The following ZKSCAN7 variants were observed in gnomAD, a reference collection of about 807,000 sequenced individuals.
The protein encoded by ZKSCAN7 is zinc finger protein with KRAB and SCAN domains 7.
In ZKSCAN7, 38 loss-of-function variants were observed where a neutral mutation model predicts 65.3. The observed-to-expected ratio is 0.58, with a 90% confidence interval of 0.45 to 0.76. ZKSCAN7 has a LOEUF of 0.76. ZKSCAN7 is among the 30% of genes least tolerant of loss of function. ZKSCAN7 has a pLI of 0.00. For missense variants in ZKSCAN7, 815 were observed against 913.3 expected (o/e 0.89, Z 1.39); for synonymous variants, 321 against 321.0 (o/e 1.00, Z 0.00).
At chr3:44,579,571 C>G (rs569802729) in intron 5 of ZKSCAN7, among the ~76,000 whole-genome samples, 1 of 152,200 alleles carries the variant, frequency 6.6e-6, no homozygotes, top group Admixed American at 6.5e-5. Flanking sequence ...TGGTCACATC[C>G]GGGGCGGTGG....
intron 4 of ZKSCAN7, 31 bp from the exon 5 acceptor site, chr3:44,568,276 G>T (rs758916725): frequency 6.2e-7 from 1 of 1,605,464 alleles, no homozygotes; most frequent in South Asian, 1.1e-5. Flanking sequence ...GGCTGTGAAT[G>T]TTCCTGAGCG....
chr3:44,570,588 A>G lies in ZKSCAN7; in HGVS notation c.1478A>G (p.Lys493Arg). ...CACCAGAGAACCCATACTGGGGAGA[A>G]ACCTTATGAATGCAATGAGTGTGGA... ...TDHQRTHTGE[K>R]PYECNECGEA... Residue 493 changes from lysine to arginine, a missense_variant, in exon 6 of 6, where the codon AAA becomes AGA. By Grantham distance (26) the Lys-to-Arg change is conservative. Transcript: ENST00000426540. 1 of 1,614,196 alleles carries G rather than the reference A, an allele frequency of 6.2e-7. No homozygotes were observed. Among genetic ancestry groups the G allele is most frequent in the Admixed American group, 1.7e-5 (1 of 60,032 alleles).
chr3:44,578,200 T>C (rs1699965468), intron 5 of ZKSCAN7: 27 of 1,522,106 alleles, frequency 1.8e-5, no homozygotes, highest in Non-Finnish European at 2.5e-5. Context: ...CTGAGCTCTG[T>C]GTAGATGTCT....
At chr3:44,574,936 A>AAAAAC (rs1011464545), downstream of ZKSCAN7, among the ~76,000 whole-genome samples, 1 of 152,126 alleles carries the variant, frequency 6.6e-6, no homozygotes. Flanking sequence ...ATCTCAAAAG[A>AAAAAC]AAAACAAAAC....
intron 2 of ZKSCAN7, among the ~76,000 whole-genome samples, chr3:44,560,773 G>T (rs1699454193): frequency 1.3e-5 from 2 of 152,162 alleles, no homozygotes; most frequent in Admixed American, 1.3e-4. Flanking sequence ...CTCCCAAAGT[G>T]CTGGGATTAC....
downstream of ZKSCAN7, among the ~76,000 whole-genome samples, chr3:44,575,183 G>T (rs1193094884): frequency 6.6e-6 from 1 of 152,072 alleles, no homozygotes; most frequent in East Asian, 1.9e-4. Flanking sequence ...TTAGTCCTAG[G>T]TATTCAGGAG....
intron 5 of ZKSCAN7, among the ~76,000 whole-genome samples, chr3:44,577,281 C>CT (rs35642284): frequency 0.27 from 40,282 of 146,766 alleles, 5,745 homozygotes; most frequent in Non-Finnish European, 0.32. Flanking sequence ...ATAACCAATT[C>CT]TTTTTTTTTT....
Position 44,571,279 on chromosome 3 carries a change from ATG to A in ZKSCAN7, c.2172_2173del (p.Cys724TrpfsTer5). 6.2e-7 allele frequency: 1 copy of A among 1,614,250 alleles called. No individual in the cohort carries two copies. The highest frequency in any genetic ancestry group is 8.5e-7 in the Non-Finnish European group (1 of 1,180,046). On this transcript the variant is annotated frameshift_variant, in exon 6 of 6. Coordinates refer to ENST00000426540, the MANE Select transcript of ZKSCAN7 (RefSeq NM_001288590.2). LOFTEE classifies it high-confidence loss of function. ...TGEKPYECSE[C>X]GKAFSQRSTF... Reference sequence around the variant, plus strand: ...GAGAGAAACCTTATGAATGTAGTGAATGTGGGAAAGCCTTTAGTCAGCGTTCC... The same window carrying A: ...GAGAGAAACCTTATGAATGTAGTGAATGGGAAAGCCTTTAGTCAGCGTTCC...
intron 2 of ZKSCAN7, among the ~76,000 whole-genome samples, chr3:44,559,394 A>G (rs1699399377): frequency 6.6e-6 from 1 of 152,144 alleles, no homozygotes; most frequent in Non-Finnish European, 1.5e-5. Flanking sequence ...GGAAAACAGT[A>G]TAGAGAATTT....
downstream of ZKSCAN7, among the ~76,000 whole-genome samples, chr3:44,573,278 C>T (rs116029219): frequency 0.026 from 3,885 of 152,274 alleles, 108 homozygotes; most frequent in African/African-American, 0.066. Context: ...CTCTTTCCAT[C>T]CCTTAAACTT....
chr3:44,583,318 G>T (rs1700135903), exon 6 of ZKSCAN7: 1 of 159,260 alleles, frequency 6.3e-6, no homozygotes, highest in Admixed American at 6.5e-5. Context: ...AACTGAGGGT[G>T]TGAACTTGTG....
chr3:44,580,502 C>T, intron 5 of ZKSCAN7: 2 of 1,610,520 alleles, frequency 1.2e-6, no homozygotes, highest in Non-Finnish European at 1.7e-6. Flanking sequence ...TGGTAACAGC[C>T]ACCTTGGCAG....
chr3:44,580,538 C>T (rs1700048172), intron 5 of ZKSCAN7: 3 of 1,613,534 alleles, frequency 1.9e-6, no homozygotes, highest in Non-Finnish European at 2.5e-6. Context: ...GTGTGGGGGG[C>T]TCCACTTTCC....
rs1699610766 is a variant in ZKSCAN7 at position 44,565,642 on chromosome 3, C to G, written c.579C>G (p.Pro193=). Reference sequence around the variant, plus strand: ...ATGACCCAGGGACACACCACCTCCCCAGTGGGGACTTCGGTACTTATCTCC... The same window carrying G: ...ATGACCCAGGGACACACCACCTCCCGAGTGGGGACTTCGGTACTTATCTCC... ...PPYDPGTHHL[P]SGDFAQCTSP... The change falls in exon 3 of 6, where the codon CCC becomes CCG. Residue 193 remains proline (P), a synonymous_variant. Transcript: ENST00000426540. The G allele has an allele frequency of 6.2e-7, 1 of 1,600,512 alleles. No individual in the cohort carries two copies. Among genetic ancestry groups the G allele is most frequent in the Non-Finnish European group, 8.5e-7 (1 of 1,174,260 alleles).
chr3:44,571,984 G>A lies in ZKSCAN7; in HGVS notation c.*609G>A, dbSNP rs926071281. 1.6e-5 allele frequency: 16 copies of A among 986,186 alleles called. No individual in the cohort carries two copies. The highest frequency in any genetic ancestry group is 1.9e-5 in the Non-Finnish European group (16 of 830,628). 61.1% of individuals were successfully genotyped at this position (986,186 alleles called of 1,614,324 possible). On this transcript the variant is annotated 3_prime_UTR_variant, in exon 6 of 6. Coordinates refer to ENST00000426540, the MANE Select transcript of ZKSCAN7 (RefSeq NM_001288590.2). ...TCTCTTGATTTGACCTCAGTGCTTT[G>A]AATTCACTGGTGCTACAATATGTAA...
downstream of ZKSCAN7, among the ~76,000 whole-genome samples, chr3:44,575,475 A>C (rs1699905125): frequency 6.6e-6 from 1 of 152,258 alleles, no homozygotes; most frequent in South Asian, 2.1e-4. Context: ...TATACACTAT[A>C]ATAAAAGTTT....
rs1284077475 is a variant in ZKSCAN7, at chr3:44,572,158, A to C, written c.*783A>C. ...TTAAATAAATAATTTTTAAAATCTC[A>C]GCTCTCACATTGAATTATCCTTAAA... On this transcript the variant is annotated 3_prime_UTR_variant, in exon 6 of 6. Transcript: ENST00000426540. 5 of 985,266 alleles carry C rather than the reference A, an allele frequency of 5.1e-6. No homozygotes were observed. The African/African-American group carries it at 8.7e-5, about 17-fold the overall frequency. The allele number at this position is 985,266 out of a possible 1,614,324, so 61.0% of individuals were successfully genotyped here. A position where few individuals can be genotyped will look rare whatever the true frequency, so the allele number is the denominator to read the frequency against.
downstream of ZKSCAN7, among the ~76,000 whole-genome samples, chr3:44,572,346 T>TTGTGTGTG (rs3080634): frequency 6.5e-4 from 93 of 143,754 alleles, no homozygotes; most frequent in Admixed American, 1.7e-3. Context: ...CGAATGGATT[T>TTGTGTGTG]TGTGTGTGTG....
chr3:44,572,559 A>T (rs1171942136), downstream of ZKSCAN7, among the ~76,000 whole-genome samples: 24 of 152,044 alleles, frequency 1.6e-4, no homozygotes, highest in Non-Finnish European at 2.9e-5. Flanking sequence ...ACAGATTAAG[A>T]ACTGTGTCAG....
Sources: gnomAD v4.1 joint callset for allele counts (sites outside exome capture counted in the v4.1 genomes callset) on GRCh38, gnomAD v4.1.1 for gene constraint, MANE v1.5 for transcripts, NCBI Gene and HGNC (gene_info 2026-07-23, HGNC 2026-07-21) for gene names.